Variants in ALMS1 observed in about 807,000 individuals in gnomAD.
ALMS1 encodes the protein centrosome-associated protein ALMS1.
A neutral mutation model predicts 352.2 loss-of-function variants in ALMS1; 271 were observed. That is an observed-to-expected ratio of 0.77 (90% CI 0.70 to 0.85). The LOEUF is 0.85. ALMS1 is among the 40% of genes least tolerant of loss of function. The pLI is 0.00. For synonymous variants in ALMS1, 1,865 were observed against 1,761.2 expected (o/e 1.06, Z -1.48); for missense variants, 5,445 against 4,870.7 (o/e 1.12, Z -3.51).
chr2:73,528,661 GT>G (rs58535797), intron 11 of ALMS1, among the ~76,000 whole-genome samples: 5 of 148,972 alleles, frequency 3.4e-5, no homozygotes, highest in Admixed American at 6.7e-5. Flanking sequence ...GTTGGGTCTT[GT>G]TTTTTTTTGC....
At position 73,453,267 on chromosome 2, in the gene ALMS1, A is replaced by G. The variant is rs1671987769; in HGVS notation, c.6740A>G (p.Glu2247Gly). ...GCAGGTTTTAGAGATGTTGGCTCTG[A>G]AGAAATCCAGGATGCAGAAAATAGT... ...ESAGFRDVGS[E>G]EIQDAENSAK... is the part of the protein sequence containing the mutation. Residue 2247 changes from glutamate to glycine, a missense_variant, in exon 8 of 23, where the codon GAA (glutamate) becomes GGA (glycine). By Grantham distance (98) the Glu-to-Gly change is moderately conservative. Coordinates refer to ENST00000613296, the MANE Select transcript of ALMS1 (RefSeq NM_001378454.1). 1 of 1,613,874 alleles carries G rather than the reference A, an allele frequency of 6.2e-7. No individual in the cohort carries two copies. Among genetic ancestry groups the G allele is most frequent in the African/African-American group, 1.3e-5 (1 of 74,920 alleles).
chr2:73,466,155 A>G (rs543483905), intron 9 of ALMS1, among the ~76,000 whole-genome samples: 1 of 152,310 alleles, frequency 6.6e-6, no homozygotes. Context: ...AAGGATTATA[A>G]ATCGTGCTGC....
intron 15 of ALMS1, among the ~76,000 whole-genome samples, chr2:73,568,961 A>AAG (rs1674860244): frequency 7.2e-6 from 1 of 139,042 alleles, no homozygotes; most frequent in African/African-American, 2.7e-5. Context: ...CTTTATACTT[A>AAG]AGGAATTCAG....
In ALMS1 at chr2:73,572,743, A is replaced by G. The variant is rs377601961; in HGVS notation, c.10866A>G (p.Glu3622=). The G allele has an allele frequency of 5.6e-5, 90 of 1,613,980 alleles. No homozygotes were observed. The highest frequency in any genetic ancestry group is 3.3e-4 in the Middle Eastern group (2 of 6,084). ...QRQPELGDRK[E]LSLVDRLDRL... is the part of the protein sequence containing the mutation. ...AGCCTGAGTTGGGTGACAGGAAAGA[A>G]CTGTCCTTGGTGGACCGACTTGATC... The change falls in exon 16 of 23, where the codon GAA becomes GAG. Residue 3622 remains glutamate (E), a synonymous_variant. Coordinates refer to ENST00000613296, the MANE Select transcript of ALMS1 (RefSeq NM_001378454.1).
Position 73,428,074 on chromosome 2 carries a change from TTTC to T in ALMS1, c.1338+1525_1338+1527del, listed in dbSNP as rs1355621292. Among the ~76,000 whole-genome samples, 6 of 152,316 alleles carry T rather than the reference TTTC, an allele frequency of 3.9e-5. No individual in the cohort carries two copies. The East Asian group carries it at 1.2e-3, about 29-fold the overall frequency. Reference sequence around the variant, plus strand: ...TTTAACACAGAATCACTAGGTTTATTTTCTTCAGTATTCCAAACTAGGCATTTT... The same window carrying T: ...TTTAACACAGAATCACTAGGTTTATTTTCAGTATTCCAAACTAGGCATTTT... On this transcript the variant is annotated intron_variant, in intron 6 of 22. Coordinates refer to ENST00000613296, the MANE Select transcript of ALMS1 (RefSeq NM_001378454.1).
In ALMS1 at chr2:73,453,021, C is replaced by A; in HGVS notation, c.6494C>A (p.Ala2165Asp). Residue 2165 changes from alanine to aspartate, a missense_variant, in exon 8 of 23, where the codon GCT becomes GAT. Physicochemically the swap from Ala to Asp is moderately radical, Grantham distance 126. Transcript: ENST00000613296. The stretch of plus-strand genomic sequence containing the variant: ...CCAGATAGACATCTAACTGAAGATG[C>A]TCTAAAGATCTCAAGTGCTCTTGGG... ...DLPDRHLTED[A>D]LKISSALGQA... 6.2e-7 allele frequency: 1 copy of A among 1,613,346 alleles called. No homozygotes were observed. Among genetic ancestry groups the A allele is most frequent in the Non-Finnish European group, 8.5e-7 (1 of 1,179,872 alleles).
At chr2:73,601,546 C>T (rs1675689303) in intron 19 of ALMS1, 110 bp downstream of exon 19, 2 of 1,497,436 alleles carry the variant, frequency 1.3e-6, no homozygotes, top group Admixed American at 2.0e-5. Flanking sequence ...CTGAGACGCT[C>T]TTTTCCAGCA....
intron 16 of ALMS1, among the ~76,000 whole-genome samples, chr2:73,586,958 C>G (rs1196894386): frequency 6.6e-6 from 1 of 151,866 alleles, no homozygotes; most frequent in Non-Finnish European, 1.5e-5. Context: ...TTGTAGAGAT[C>G]TTTCACCTCC....
At chr2:73,581,665 A>G (rs1675180947) in intron 16 of ALMS1, among the ~76,000 whole-genome samples, 1 of 151,446 alleles carries the variant, frequency 6.6e-6, no homozygotes, top group Non-Finnish European at 1.5e-5. Context: ...GGAGGTCTCT[A>G]CTCTACCATT....
At chr2:73,521,309 G>T (rs1185149321) in intron 11 of ALMS1, among the ~76,000 whole-genome samples, 1 of 152,020 alleles carries the variant, frequency 6.6e-6, no homozygotes, top group Admixed American at 6.6e-5. Context: ...ATTGGACTTT[G>T]GCTGGGCTGG....
chr2:73,549,560 C>A (rs1030219771), intron 12 of ALMS1, among the ~76,000 whole-genome samples: 2 of 152,242 alleles, frequency 1.3e-5, no homozygotes, highest in Non-Finnish European at 2.9e-5. Context: ...TTAAATACTT[C>A]TTTTCTTTGC....
chr2:73,395,606 T>C (rs1056160383), intron 1 of ALMS1, among the ~76,000 whole-genome samples: 5 of 152,200 alleles, frequency 3.3e-5, no homozygotes, highest in African/African-American at 1.2e-4. Flanking sequence ...TGTAGATGTT[T>C]AAAAACACTT....
Position 73,424,953 on chromosome 2 carries a change from A to G in ALMS1, c.1237+51A>G. On this transcript the variant is annotated intron_variant, in intron 5 of 22. Transcript: ENST00000613296. ...TTCATCTGACACAATTGATAAAAAT[A>G]AAATTCCCAAGGGAAGTAACAATTT... The G allele has an allele frequency of 2.0e-6, 3 of 1,487,346 alleles. No individual in the cohort carries two copies. In the South Asian group the frequency reaches 3.9e-5, roughly 19 times the overall value. 92.1% of individuals were successfully genotyped at this position (1,487,346 alleles called of 1,614,324 possible). A position where few individuals can be genotyped will look rare whatever the true frequency, so the allele number is the denominator to read the frequency against.
At chr2:73,494,119 C>T (rs1029899234) in intron 10 of ALMS1, among the ~76,000 whole-genome samples, 4 of 152,148 alleles carry the variant, frequency 2.6e-5, no homozygotes, top group African/African-American at 9.7e-5. Context: ...TAATATGACA[C>T]CTAAGCTTCC....
intron 10 of ALMS1, among the ~76,000 whole-genome samples, chr2:73,516,673 G>A (rs1673564061): frequency 6.6e-6 from 1 of 152,170 alleles, no homozygotes. Context: ...TTAGAATATG[G>A]TAAATGTTGT....
At chr2:73,446,961 A>G (rs764577523) in intron 7 of ALMS1, among the ~76,000 whole-genome samples, 1 of 152,164 alleles carries the variant, frequency 6.6e-6, no homozygotes, top group Non-Finnish European at 1.5e-5. Flanking sequence ...TATATCAATC[A>G]TCTTAACACC....
chr2:73,578,544 G>A (rs1022642633), intron 16 of ALMS1, among the ~76,000 whole-genome samples: 1 of 148,168 alleles, frequency 6.7e-6, no homozygotes, highest in Non-Finnish European at 1.5e-5. Context: ...ATTTTCTTAC[G>A]GGTTACATTG....
intron 21 of ALMS1, among the ~76,000 whole-genome samples, chr2:73,605,659 C>T (rs7587577): frequency 0.31 from 46,390 of 151,910 alleles, 8,852 homozygotes; most frequent in African/African-American, 0.54. Context: ...GCCTGGCCAA[C>T]ATGGTGAAAG....
chr2:73,504,017 T>C (rs919357793), intron 10 of ALMS1, among the ~76,000 whole-genome samples: 3 of 152,158 alleles, frequency 2.0e-5, no homozygotes, highest in Admixed American at 2.0e-4. Flanking sequence ...TTTTATTCAG[T>C]GAGTTATGAT....
Sources: allele counts gnomAD v4.1 joint callset (sites outside exome capture counted in the v4.1 genomes callset), GRCh38; gene constraint gnomAD v4.1.1; transcripts MANE v1.5; gene names NCBI Gene and HGNC (gene_info 2026-07-23, HGNC 2026-07-21).